The following AGMO variants were observed in gnomAD, a reference collection of about 807,000 sequenced individuals.
The protein encoded by AGMO is glyceryl-ether monooxygenase.
AGMO carries 75 observed loss-of-function variants against 60.2 expected under a neutral mutation model. The ratio of observed to expected loss-of-function variants is 1.25; its 90% confidence interval spans 1.03 to 1.51. The LOEUF (loss-of-function observed/expected upper bound fraction) is 1.51. Among genes scored for constraint, AGMO ranks in the 40% most tolerant of loss-of-function variants. AGMO has a pLI of 0.00. For missense variants in AGMO, 763 were observed against 525.5 expected (o/e 1.45, Z -4.42); for synonymous variants, 261 against 177.1 (o/e 1.47, Z -3.76).
chr7:15,421,915 G>T (rs565389032), intron 4 of AGMO, among the ~76,000 whole-genome samples: 2 of 152,240 alleles, frequency 1.3e-5, no homozygotes, highest in African/African-American at 4.8e-5. Flanking sequence ...AGAAAGAGTT[G>T]CAGTAAATGA....
chr7:15,318,343 T>C (rs906012872), intron 12 of AGMO, among the ~76,000 whole-genome samples: 1 of 152,120 alleles, frequency 6.6e-6, no homozygotes, highest in African/African-American at 2.4e-5. Flanking sequence ...CATTATTCTT[T>C]ATATGAGTTC....
At chr7:15,401,751 A>T (rs1409427693) in intron 5 of AGMO, among the ~76,000 whole-genome samples, 1 of 152,164 alleles carries the variant, frequency 6.6e-6, no homozygotes, top group African/African-American at 2.4e-5. Flanking sequence ...AAATCATAAT[A>T]GGGAAAATAT....
intron 12 of AGMO, among the ~76,000 whole-genome samples, chr7:15,215,970 A>C (rs1388441399): frequency 2.6e-5 from 4 of 152,080 alleles, no homozygotes; most frequent in Non-Finnish European, 5.9e-5. Flanking sequence ...ATTTCACTGA[A>C]ATACCACTGG....
chr7:15,260,945 A>G (rs1390944578), intron 12 of AGMO, among the ~76,000 whole-genome samples: 1 of 152,154 alleles, frequency 6.6e-6, no homozygotes, highest in Admixed American at 6.6e-5. Flanking sequence ...CAAGATGGAA[A>G]TAAAAAAATT....
At chr7:15,182,334 C>T in the AGMO span, among the ~76,000 whole-genome samples, 5 of 152,076 alleles carry the variant, frequency 3.3e-5, no homozygotes, top group Admixed American at 3.3e-4. Flanking sequence ...TGTGTACTTA[C>T]AAATGGTTCG....
At chr7:15,253,138 C>A (rs758632621) in intron 12 of AGMO, among the ~76,000 whole-genome samples, 3 of 152,038 alleles carry the variant, frequency 2.0e-5, no homozygotes, top group Non-Finnish European at 4.4e-5. Context: ...AAAGAAATAA[C>A]GGCATAGAAA....
At chr7:15,188,917 G>A in the AGMO span, among the ~76,000 whole-genome samples, 1 of 152,164 alleles carries the variant, frequency 6.6e-6, no homozygotes, top group Non-Finnish European at 1.5e-5. Flanking sequence ...AACCAGTTGT[G>A]TCCAAGAGAG....
At chr7:15,413,017 T>G (rs1343185446) in intron 5 of AGMO, among the ~76,000 whole-genome samples, 3 of 152,158 alleles carry the variant, frequency 2.0e-5, no homozygotes, top group Admixed American at 6.6e-5. Flanking sequence ...AACAGTCAAT[T>G]GAAGTAGACC....
At chr7:15,388,215 A>G (rs141925055) in intron 8 of AGMO, among the ~76,000 whole-genome samples, 22 of 152,352 alleles carry the variant, frequency 1.4e-4, no homozygotes, top group African/African-American at 4.3e-4. Flanking sequence ...AGGAATCTGA[A>G]GCAATTCAGA....
chr7:15,508,745 G>GT (rs1177286637), intron 3 of AGMO, among the ~76,000 whole-genome samples: 2 of 150,728 alleles, frequency 1.3e-5, no homozygotes, highest in Non-Finnish European at 3.0e-5. Context: ...AAAAAAAAAA[G>GT]TTTTTTTAAC....
chr7:15,363,769 T>G (rs575731161), intron 12 of AGMO, among the ~76,000 whole-genome samples: 1 of 152,252 alleles, frequency 6.6e-6, no homozygotes, highest in African/African-American at 2.4e-5. Context: ...CACTGGCTAA[T>G]GTAAGGAACC....
intron 3 of AGMO, 26 bp from the exon 4 acceptor site, chr7:15,431,134 G>C: frequency 6.5e-7 from 1 of 1,541,282 alleles, no homozygotes; most frequent in Non-Finnish European, 9.0e-7. Flanking sequence ...TTTGCAATGA[G>C]CCATGAGAAT....
rs569008878 is a variant in AGMO, at chr7:15,246,422, T to C, written c.1264-45063A>G. 5.3e-5 allele frequency among the ~76,000 whole-genome samples: 8 copies of C among 152,270 alleles called. No individual in the cohort carries two copies. In the East Asian group the frequency reaches 1.5e-3, roughly 29 times the overall value. On this transcript the variant is annotated intron_variant, in intron 12 of 12. Coordinates refer to ENST00000342526, the MANE Select transcript of AGMO (RefSeq NM_001004320.2). ...CTGTTTTTTATATTCTCTGATAAGG[T>C]AGATTTTTTAAAAAATTGCCATTGG... is the stretch of plus-strand genomic sequence containing the variant.
chr7:15,366,316 G>C, intron 10 of AGMO, 94 bp from the exon 11 acceptor site: 2 of 820,852 alleles, frequency 2.4e-6, no homozygotes, highest in South Asian at 1.7e-5. Context: ...CAAATTTTAT[G>C]TCCTGTTGCA....
rs77136795 is a variant in AGMO at position 15,475,539 on chromosome 7, C to T, written c.410-44431G>A. 9.6e-3 allele frequency among the ~76,000 whole-genome samples: 1,454 copies of T among 151,660 alleles called. 26 individuals carry two copies. Among genetic ancestry groups the T allele is most frequent in the African/African-American group, 0.033 (1,363 of 41,372 alleles). ...GGGAACATCACACACTGGGGCCTGT[C>T]GGATGTGGGGGGCTAGAGGGATAGC... On this transcript the variant is annotated intron_variant, in intron 3 of 12. Coordinates refer to ENST00000342526, the MANE Select transcript of AGMO (RefSeq NM_001004320.2).
At chr7:15,345,358 C>T (rs1000023743) in intron 12 of AGMO, among the ~76,000 whole-genome samples, 3 of 152,192 alleles carry the variant, frequency 2.0e-5, no homozygotes, top group East Asian at 3.9e-4. Context: ...TAAGACCAAG[C>T]TTGGTCTGGA....
chr7:15,237,309 C>A (rs1782452542), intron 12 of AGMO, among the ~76,000 whole-genome samples: 1 of 152,102 alleles, frequency 6.6e-6, no homozygotes, highest in Admixed American at 6.6e-5. Context: ...GAAACATTTT[C>A]ACTAGAACAG....
At chr7:15,508,853 T>C (rs988788968) in intron 3 of AGMO, among the ~76,000 whole-genome samples, 3 of 152,204 alleles carry the variant, frequency 2.0e-5, no homozygotes, top group Admixed American at 6.5e-5. Flanking sequence ...CATAAAAATA[T>C]ACCATAATAC....
At chr7:15,398,431 G>A (rs923241407) in intron 5 of AGMO, among the ~76,000 whole-genome samples, 9 of 152,146 alleles carry the variant, frequency 5.9e-5, no homozygotes, top group African/African-American at 1.9e-4. Flanking sequence ...TAGTGCCTAT[G>A]AGTACCTTGG....
Sources: allele counts gnomAD v4.1 joint callset (sites outside exome capture counted in the v4.1 genomes callset), GRCh38; gene constraint gnomAD v4.1.1; transcripts MANE v1.5; gene names NCBI Gene and HGNC (gene_info 2026-07-23, HGNC 2026-07-21).